COL9A2: variants seen among roughly 807,000 people sequenced by gnomAD.
COL9A2 encodes collagen alpha-2(IX) chain.
Under a neutral mutation model 111.6 loss-of-function variants are expected in COL9A2, and 66 were observed. The observed-to-expected ratio is 0.59, with a 90% CI of 0.48 to 0.73. COL9A2 has a LOEUF of 0.73. Ranked by LOEUF, COL9A2 falls within the 30% of genes least tolerant of loss-of-function variation. COL9A2 has a pLI of 0.00. For missense variants in COL9A2, 881 were observed against 954.1 expected (o/e 0.92, Z 1.01); for synonymous variants, 353 against 364.1 (o/e 0.97, Z 0.35).
rs530948878 is a variant in COL9A2, at chr1:40,305,860, C to G, written c.1054-92G>C. ...AACGAAGCCTAAACAGAGCCTGGAA[C>G]CAGATGAGCTGGGACGGGGGAGAGG... On this transcript the variant is annotated intron_variant, in intron 20 of 31. Coordinates refer to ENST00000372748, the MANE Select transcript of COL9A2 (RefSeq NM_001852.4). The G allele has an allele frequency of 7.8e-6, 9 of 1,153,584 alleles. No individual in the cohort carries two copies. The East Asian group carries it at 2.1e-4, about 27-fold the overall frequency. The allele number at this position is 1,153,584 out of a possible 1,614,324, so 71.5% of individuals were successfully genotyped here. A position where few individuals can be genotyped will look rare whatever the true frequency, so the allele number is the denominator to read the frequency against.
At position 40,307,574 on chromosome 1, in the gene COL9A2, T is replaced by C. The variant is rs991818987; in HGVS notation, c.955-75A>G. ...GCCATGGCTTCTACCCAGATGCAGG[T>C]AGGGAAACTGAGATCCAGAGGCAAG... On this transcript the variant is annotated intron_variant, in intron 18 of 31. Transcript: ENST00000372748. This position sits in a 1 kb window ranked among gnomAD's most constrained non-coding sequence, Gnocchi z 4.8. 6.3e-7 allele frequency: 1 copy of C among 1,592,670 alleles called. No individual in the cohort carries two copies. Among genetic ancestry groups the C allele is most frequent in the African/African-American group, 1.3e-5 (1 of 74,414 alleles).
At position 40,310,974 on chromosome 1, in the gene COL9A2, G is replaced by C; in HGVS notation, c.630+119C>G. 1 of 1,389,686 alleles carries C rather than the reference G, an allele frequency of 7.2e-7. No homozygotes were observed. Among genetic ancestry groups the C allele is most frequent in the Non-Finnish European group, 1.0e-6 (1 of 980,634 alleles). The allele number at this position is 1,389,686 out of a possible 1,614,324, so 86.1% of individuals were successfully genotyped here. ...CCTGGAGCACAGGCCTCCAGCCCCC[G>C]GCTCAAGGCTCTGTCCCCAGAACCC... On this transcript the variant is annotated intron_variant, in intron 12 of 31. Coordinates refer to ENST00000372748, the MANE Select transcript of COL9A2 (RefSeq NM_001852.4). This position sits in a 1 kb window ranked among gnomAD's most constrained non-coding sequence, Gnocchi z 4.9.
rs977285818 is a variant in COL9A2, at chr1:40,302,956, A to G, written c.1604-147T>C. ...ACCTTCCGTGGGCTCTGTTTTGCGG[A>G]AGTCAAAGGCCCAGAGTGACTTATT... On this transcript the variant is annotated intron_variant, in intron 29 of 31. Transcript: ENST00000372748. The surrounding 1 kb of genome is among the most constrained non-coding windows in gnomAD (Gnocchi z 4.5). The G allele has an allele frequency of 8.0e-6, 9 of 1,118,114 alleles. No homozygotes were observed. Among genetic ancestry groups the G allele is most frequent in the Non-Finnish European group, 1.0e-5 (8 of 769,452 alleles). 69.3% of individuals were successfully genotyped at this position (1,118,114 alleles called of 1,614,324 possible).
intron 17 of COL9A2, 105 bp downstream of exon 17, chr1:40,308,087 A>G (rs1330155424): frequency 6.2e-6 from 7 of 1,128,174 alleles, no homozygotes; most frequent in Non-Finnish European, 9.4e-6. Flanking sequence ...CCAGCCCACC[A>G]GTTGCAGAGT....
rs939451578 is a variant in COL9A2 at position 40,305,350 on chromosome 1, C to T, written c.1107+365G>A. Among the ~76,000 whole-genome samples the T allele has an allele frequency of 5.3e-5, 8 of 152,284 alleles. No homozygotes were observed. In the East Asian group the frequency reaches 5.8e-4, roughly 11 times the overall value. On this transcript the variant is annotated intron_variant, in intron 21 of 31. Transcript: ENST00000372748. ...GATTACAGGCGTGAGCCACCGCGCC[C>T]GGCGTGATCATTTATTTCATGTCTA...
chr1:40,312,138 G>C lies in COL9A2; in HGVS notation c.364-26C>G, dbSNP rs1188329890. On this transcript the variant is annotated intron_variant, in intron 7 of 31. Transcript: ENST00000372748. This position sits in a 1 kb window ranked among gnomAD's most constrained non-coding sequence, Gnocchi z 6.0. ...CTGGGGAGCAGAGAGTTGATGGTCA[G>C]GATGCCTCAGAGGGTCAGATACCCT... 1.0e-5 allele frequency: 16 copies of C among 1,589,490 alleles called. No homozygotes were observed. The highest frequency in any genetic ancestry group is 1.4e-5 in the Non-Finnish European group (16 of 1,167,676).
At chr1:40,313,566 G>A (rs530021590) in intron 4 of COL9A2, among the ~76,000 whole-genome samples, 3 of 152,182 alleles carry the variant, frequency 2.0e-5, no homozygotes, top group African/African-American at 2.4e-5. Flanking sequence ...CCTTGTAATC[G>A]TTGCAGGGTG....
rs1401650997 is a variant in COL9A2 at position 40,316,711 on chromosome 1, G to T, written c.75+412C>A. ...GAGACGTGGGTAGGCGGGCAGGGCC[G>T]AGAGGCCGCCTCGGGGCGACAGCGG... On this transcript the variant is annotated intron_variant, in intron 1 of 31. Transcript: ENST00000372748. The surrounding 1 kb of genome is among the most constrained non-coding windows in gnomAD (Gnocchi z 5.5). The T allele has an allele frequency of 4.1e-5, 16 of 389,102 alleles. No homozygotes were observed. The highest frequency in any genetic ancestry group is 7.9e-5 in the Non-Finnish European group (16 of 203,572). 24.1% of individuals were successfully genotyped at this position (389,102 alleles called of 1,614,324 possible).
intron 16 of COL9A2, among the ~76,000 whole-genome samples, 189 bp from the exon 17 acceptor site, chr1:40,308,434 G>A (rs1176312855): frequency 6.6e-6 from 1 of 152,188 alleles, no homozygotes. Context: ...CAGGAGGGAG[G>A]AGAAGTCAGT....
Position 40,316,701 on chromosome 1 carries a change from G to T in COL9A2, c.75+422C>A. The T allele has an allele frequency of 2.4e-6, 1 of 412,052 alleles. No individual in the cohort carries two copies. The highest frequency in any genetic ancestry group is 4.7e-6 in the Non-Finnish European group (1 of 211,268). 25.5% of individuals were successfully genotyped at this position (412,052 alleles called of 1,614,324 possible). Reference sequence around the variant, plus strand: ...CCTCGGAAGGGAGACGTGGGTAGGCGGGCAGGGCCGAGAGGCCGCCTCGGG... The same window carrying T: ...CCTCGGAAGGGAGACGTGGGTAGGCTGGCAGGGCCGAGAGGCCGCCTCGGG... On this transcript the variant is annotated intron_variant, in intron 1 of 31. Transcript: ENST00000372748. This position sits in a 1 kb window ranked among gnomAD's most constrained non-coding sequence, Gnocchi z 5.5.
Position 40,314,142 on chromosome 1 carries a change from G to T in COL9A2, c.249+63C>A. ...TGAACAGATCAGTGAAGATGCCAGA[G>T]CCAGGCCCTGGAGGTCAATTGGCAG... is the stretch of plus-strand genomic sequence containing the variant. On this transcript the variant is annotated intron_variant, in intron 4 of 31. Coordinates refer to ENST00000372748, the MANE Select transcript of COL9A2 (RefSeq NM_001852.4). This position sits in a 1 kb window ranked among gnomAD's most constrained non-coding sequence, Gnocchi z 4.1. The T allele has an allele frequency of 6.4e-7, 1 of 1,554,080 alleles. No individual in the cohort carries two copies. Among genetic ancestry groups the T allele is most frequent in the Non-Finnish European group, 8.9e-7 (1 of 1,126,376 alleles).
chr1:40,311,147 C>T lies in COL9A2; in HGVS notation c.577-1G>A. 1 of 1,614,248 alleles carries T rather than the reference C, an allele frequency of 6.2e-7. No homozygotes were observed. Among genetic ancestry groups the T allele is most frequent in the Non-Finnish European group, 8.5e-7 (1 of 1,180,040 alleles). Reference sequence around the variant, plus strand: ...GAATCCCGCGTTTGCCCGCATGCCCCTGAAGGGAAGGAGAGAGCTCAATAC... The same window carrying T: ...GAATCCCGCGTTTGCCCGCATGCCCTTGAAGGGAAGGAGAGAGCTCAATAC... On this transcript the variant is annotated splice_acceptor_variant, in intron 11 of 31. Coordinates refer to ENST00000372748, the MANE Select transcript of COL9A2 (RefSeq NM_001852.4). LOFTEE classifies it high-confidence loss of function. This position sits in a 1 kb window ranked among gnomAD's most constrained non-coding sequence, Gnocchi z 5.1.
rs979879776 is a variant in COL9A2, at chr1:40,300,769, T to G, written c.*413A>C. On this transcript the variant is annotated 3_prime_UTR_variant, in exon 32 of 32. Coordinates refer to ENST00000372748, the MANE Select transcript of COL9A2 (RefSeq NM_001852.4). The surrounding 1 kb of genome is among the most constrained non-coding windows in gnomAD (Gnocchi z 4.4). ...CAGGAACTGGCATAGACCTCAGTCA[T>G]TGGTCCTCAAGCTGAGGGGTGGAAC... The G allele has an allele frequency of 1.1e-4, 20 of 188,128 alleles. No homozygotes were observed. Among genetic ancestry groups the G allele is most frequent in the African/African-American group, 4.2e-4 (18 of 42,632 alleles). The allele number at this position is 188,128 out of a possible 1,614,324, so 11.7% of individuals were successfully genotyped here.
chr1:40,311,435 C>T lies in COL9A2; in HGVS notation c.519+65G>A. On this transcript the variant is annotated intron_variant, in intron 10 of 31. Transcript: ENST00000372748. This position sits in a 1 kb window ranked among gnomAD's most constrained non-coding sequence, Gnocchi z 5.1. Reference sequence around the variant, plus strand: ...CTCCAGACACCCCCATCTCCGTGGCCCCGCCTCCCCATCTCTGTGGCCCCG... The same window carrying T: ...CTCCAGACACCCCCATCTCCGTGGCTCCGCCTCCCCATCTCTGTGGCCCCG... 6.3e-7 allele frequency: 1 copy of T among 1,584,266 alleles called. No homozygotes were observed. The highest frequency in any genetic ancestry group is 8.6e-7 in the Non-Finnish European group (1 of 1,157,134).
intron 21 of COL9A2, 106 bp from the exon 22 acceptor site, chr1:40,304,953 A>T: frequency 2.1e-6 from 2 of 957,228 alleles, no homozygotes; most frequent in Non-Finnish European, 3.1e-6. Context: ...TTGCTTCATC[A>T]GGGAAGGTTT....
rs887596865 is a variant in COL9A2 at position 40,307,816 on chromosome 1, C to G, written c.901-60G>C. On this transcript the variant is annotated intron_variant, in intron 17 of 31. Transcript: ENST00000372748. The surrounding 1 kb of genome is among the most constrained non-coding windows in gnomAD (Gnocchi z 4.8). ...TGCGGAGATGTCTGGGGTCTGGCCA[C>G]CCACCCCTGTTCCTCTGAGACAGCT... The G allele has an allele frequency of 3.8e-6, 6 of 1,563,420 alleles. No individual in the cohort carries two copies. The African/African-American group carries it at 8.1e-5, about 21-fold the overall frequency.
Position 40,312,466 on chromosome 1 carries a change from G to A in COL9A2, c.353C>T (p.Ala118Val). 6.2e-7 allele frequency: 1 copy of A among 1,613,648 alleles called. No individual in the cohort carries two copies. The highest frequency in any genetic ancestry group is 8.5e-7 in the Non-Finnish European group (1 of 1,179,806). The change falls in exon 7 of 32, where the codon GCT becomes GTT. Residue 118 changes from alanine to valine, a missense_variant. Transcript: ENST00000372748. This position sits in a 1 kb window ranked among gnomAD's most constrained non-coding sequence, Gnocchi z 6.0. ...GPPGLPGPGF[A>V]GPPGPPGPVG... ...TCCCTGAGGACTTACAGGAGGTCCA[G>A]CAAAACCAGGGCCCTGGAACAGAAA...
At position 40,311,006 on chromosome 1, in the gene COL9A2, G is replaced by A. The variant is rs376484875; in HGVS notation, c.630+87C>T. 1.0e-4 allele frequency: 160 copies of A among 1,542,632 alleles called. 2 individuals are homozygous for A. The highest frequency in any genetic ancestry group is 9.0e-4 in the East Asian group (40 of 44,464). ...GGCTCTGTCCCCAGAACCCACAGGGGAAGGGGAAGGGACGAAGAAGGGGAC... is the reference window on the plus strand; with the variant it reads ...GGCTCTGTCCCCAGAACCCACAGGGAAAGGGGAAGGGACGAAGAAGGGGAC... On this transcript the variant is annotated intron_variant, in intron 12 of 31. Transcript: ENST00000372748. This position sits in a 1 kb window ranked among gnomAD's most constrained non-coding sequence, Gnocchi z 5.1.
In COL9A2 at chr1:40,309,922, G is replaced by A; in HGVS notation, c.846+16C>T. ...CCCAGGGGTCCTGACTGAACAATGGGTGCCTGAGGACTCACCTCGTCACCC... is the reference window on the plus strand; with the variant it reads ...CCCAGGGGTCCTGACTGAACAATGGATGCCTGAGGACTCACCTCGTCACCC... On this transcript the variant is annotated intron_variant, in intron 16 of 31. Coordinates refer to ENST00000372748, the MANE Select transcript of COL9A2 (RefSeq NM_001852.4). 6.2e-7 allele frequency: 1 copy of A among 1,613,090 alleles called. No individual in the cohort carries two copies. The highest frequency in any genetic ancestry group is 8.5e-7 in the Non-Finnish European group (1 of 1,179,934).
Sources: allele counts gnomAD v4.1 joint callset (sites outside exome capture counted in the v4.1 genomes callset), GRCh38; gene constraint gnomAD v4.1.1; non-coding constraint Gnocchi (gnomAD v3.1); transcripts MANE v1.5; gene names NCBI Gene and HGNC (gene_info 2026-07-23, HGNC 2026-07-21).